The following CLMN variants were observed in gnomAD, a reference collection of about 807,000 sequenced individuals.
CLMN encodes calmin (calponin-like, transmembrane).
A neutral mutation model predicts 92.7 loss-of-function variants in CLMN; 57 were observed. The ratio of observed to expected loss-of-function variants is 0.61; its 90% confidence interval spans 0.50 to 0.77. The LOEUF is 0.77. CLMN is among the 30% of genes least tolerant of loss of function. The pLI, the probability that CLMN is intolerant of heterozygous loss-of-function variation, is 0.00. For missense variants in CLMN, 1,158 were observed against 1,237.5 expected (o/e 0.94, Z 0.96); for synonymous variants, 466 against 470.6 (o/e 0.99, Z 0.13).
intron 9 of CLMN, among the ~76,000 whole-genome samples, chr14:95,201,280 T>A (rs1199916933): frequency 1.3e-5 from 2 of 151,868 alleles, no homozygotes; most frequent in African/African-American, 4.8e-5. Context: ...CTTGGGGTAA[T>A]TATCTTCCAA....
chr14:95,211,570 A>ATC (rs1897198067), intron 6 of CLMN, among the ~76,000 whole-genome samples: 1 of 152,168 alleles, frequency 6.6e-6, no homozygotes, highest in Middle Eastern at 3.4e-3. Context: ...AAGAGGAGAG[A>ATC]ATCTTGCCAG....
chr14:95,251,976 G>T lies in CLMN; in HGVS notation c.83-21843C>A, dbSNP rs28557354. On this transcript the variant is annotated intron_variant, in intron 1 of 12. Coordinates refer to ENST00000298912, the MANE Select transcript of CLMN (RefSeq NM_024734.4). ...GCCCCCATGGAGGAGAAGGATTAGC[G>T]AGGCAAAGCCCAACTTGATTGAAAA... 2.0e-5 allele frequency among the ~76,000 whole-genome samples: 3 copies of T among 152,230 alleles called. No individual in the cohort carries two copies. In the South Asian group the frequency reaches 6.2e-4, roughly 32 times the overall value.
At chr14:95,269,044 C>T (rs541329890) in intron 1 of CLMN, among the ~76,000 whole-genome samples, 5 of 151,888 alleles carry the variant, frequency 3.3e-5, no homozygotes, top group South Asian at 2.1e-4. Flanking sequence ...TCTCGTGATC[C>T]GCCGCCTCAG....
chr14:95,193,915 T>G lies in CLMN; in HGVS notation c.2774A>C (p.His925Pro). ...RHTHRSSESDHFSYVQLRNAA... is the reference protein window; with the variant it reads ...RHTHRSSESDPFSYVQLRNAA... ...GTTCCTCAACTGAACATAGCTAAAA[T>G]GATCCTACAGTGAAATTTATAAACA... is the stretch of plus-strand genomic sequence containing the variant. Residue 925 changes from histidine to proline, a missense_variant, in exon 12 of 13, where the codon CAT becomes CCT. Transcript: ENST00000298912. 6.2e-7 allele frequency: 1 copy of G among 1,613,722 alleles called. No homozygotes were observed. Among genetic ancestry groups the G allele is most frequent in the South Asian group, 1.1e-5 (1 of 90,908 alleles).
rs1326232829 is a variant in CLMN at position 95,319,324 on chromosome 14, CA to C, written c.82+386del. ...GAACTCACACACACACACACACACA[CA>C]CACACACACACACACAGAGTCGCAC... On this transcript the variant is annotated intron_variant, in intron 1 of 12. Transcript: ENST00000298912. 6.1e-3 allele frequency among the ~76,000 whole-genome samples: 923 copies of C among 151,830 alleles called. 12 individuals carry two copies. The highest frequency in any genetic ancestry group is 0.02 in the African/African-American group (820 of 41,196).
chr14:95,230,148 A>G lies in CLMN; in HGVS notation c.83-15T>C. 3 of 1,612,154 alleles carry G rather than the reference A, an allele frequency of 1.9e-6. No homozygotes were observed. Among genetic ancestry groups the G allele is most frequent in the Non-Finnish European group, 2.5e-6 (3 of 1,178,156 alleles). On this transcript the variant is annotated splice_polypyrimidine_tract_variant and intron_variant, in intron 1 of 12. Transcript: ENST00000298912. ...TTCCCTCTCAACTGAAAACAAAGAC[A>G]TACCATCAGCTGGGAGAATAAGAAG...
intron 1 of CLMN, among the ~76,000 whole-genome samples, chr14:95,308,641 T>G (rs1901387693): frequency 6.6e-6 from 1 of 152,128 alleles, no homozygotes; most frequent in Non-Finnish European, 1.5e-5. Flanking sequence ...CTCCCCAGCC[T>G]ACCAACCCCC....
chr14:95,280,023 T>C (rs1315128251), intron 1 of CLMN, among the ~76,000 whole-genome samples: 1 of 152,082 alleles, frequency 6.6e-6, no homozygotes, highest in African/African-American at 2.4e-5. Context: ...TTAAGTTAGA[T>C]AGGCTAAAGC....
At chr14:95,234,313 T>C (rs1309497058) in intron 1 of CLMN, among the ~76,000 whole-genome samples, 4 of 152,224 alleles carry the variant, frequency 2.6e-5, no homozygotes, top group African/African-American at 9.6e-5. Flanking sequence ...ACCGGCGTTT[T>C]GACTGGTGTC....
At chr14:95,303,308 G>T (rs1363664393) in intron 1 of CLMN, among the ~76,000 whole-genome samples, 3 of 152,178 alleles carry the variant, frequency 2.0e-5, no homozygotes, top group Non-Finnish European at 4.4e-5. Flanking sequence ...AGGGGCCAAA[G>T]CACCCTATGT....
chr14:95,291,166 C>A (rs897531250), intron 1 of CLMN, among the ~76,000 whole-genome samples: 2 of 152,250 alleles, frequency 1.3e-5, no homozygotes, highest in Non-Finnish European at 1.5e-5. Flanking sequence ...CGGGCTGTGA[C>A]AGCGTCCCTG....
chr14:95,250,667 G>C (rs1173701119), intron 1 of CLMN, among the ~76,000 whole-genome samples: 1 of 152,226 alleles, frequency 6.6e-6, no homozygotes, highest in African/African-American at 2.4e-5. Context: ...TACACATCCT[G>C]AAGAGCTACA....
At chr14:95,297,219 G>A (rs1900843758) in intron 1 of CLMN, among the ~76,000 whole-genome samples, 1 of 152,206 alleles carries the variant, frequency 6.6e-6, no homozygotes, top group African/African-American at 2.4e-5. Context: ...AAATCACTTA[G>A]AAGGCGCTTA....
rs1273984695 is a variant in CLMN at position 95,279,699 on chromosome 14, C to T, written c.82+40012G>A. Among the ~76,000 whole-genome samples the T allele has an allele frequency of 1.2e-4, 19 of 152,066 alleles. No homozygotes were observed. In the South Asian group the frequency reaches 3.1e-3, roughly 25 times the overall value. On this transcript the variant is annotated intron_variant, in intron 1 of 12. Transcript: ENST00000298912. ...TCGGGAGGATGAGGCAGGAGAATGG[C>T]GTGAACCCAGGAGGCGGAGCTTGCA... is the stretch of plus-strand genomic sequence containing the variant.
chr14:95,209,824 T>G (rs980773836), intron 7 of CLMN, among the ~76,000 whole-genome samples: 1 of 152,224 alleles, frequency 6.6e-6, no homozygotes, highest in African/African-American at 2.4e-5. Flanking sequence ...TACGGAGTCC[T>G]ACGTTAGCCT....
intron 1 of CLMN, among the ~76,000 whole-genome samples, chr14:95,311,903 C>T (rs1186951004): frequency 6.6e-6 from 1 of 152,184 alleles, no homozygotes; most frequent in East Asian, 1.9e-4. Context: ...CCTGGGTAGA[C>T]AATCTGTGAC....
At chr14:95,261,842 A>G (rs1899270294) in intron 1 of CLMN, among the ~76,000 whole-genome samples, 1 of 152,210 alleles carries the variant, frequency 6.6e-6, no homozygotes, top group Non-Finnish European at 1.5e-5. Flanking sequence ...AGAACCTGGA[A>G]GTCATCACTG....
chr14:95,225,339 C>T (rs116971523), intron 2 of CLMN, among the ~76,000 whole-genome samples: 1 of 152,276 alleles, frequency 6.6e-6, no homozygotes, highest in East Asian at 1.9e-4. Context: ...CCTCCCTGGG[C>T]CTAACCTGAC....
intron 1 of CLMN, among the ~76,000 whole-genome samples, chr14:95,236,735 C>T (rs1042496104): frequency 6.6e-6 from 1 of 152,226 alleles, no homozygotes; most frequent in African/African-American, 2.4e-5. Flanking sequence ...CCAACAAGCC[C>T]CTCTGAGTGA....
Sources: gnomAD v4.1 joint callset for allele counts (sites outside exome capture counted in the v4.1 genomes callset) on GRCh38, gnomAD v4.1.1 for gene constraint, MANE v1.5 for transcripts, NCBI Gene and HGNC (gene_info 2026-07-23, HGNC 2026-07-21) for gene names.